PYROXD2: variants seen among roughly 807,000 people sequenced by gnomAD.
The protein encoded by PYROXD2 is pyridine nucleotide-disulfide oxidoreductase domain-containing protein 2.
A neutral mutation model predicts 71.1 loss-of-function variants in PYROXD2; 69 were observed. That is an observed-to-expected ratio of 0.97 (90% confidence interval 0.80 to 1.19). The LOEUF is 1.19. Ranked by LOEUF, PYROXD2 falls within the 50% of genes most tolerant of loss-of-function variation. PYROXD2 has a pLI of 0.00. For synonymous variants in PYROXD2, 287 were observed against 302.7 expected, an observed-to-expected ratio of 0.95 and a Z score of 0.54; for missense variants, 745 against 748.9, an observed-to-expected ratio of 0.99 and a Z score of 0.06.
In PYROXD2 at chr10:98,383,805, C is replaced by T; in HGVS notation, c.1739G>A (p.Ser580Asn). 2 of 1,613,982 alleles carry T rather than the reference C, an allele frequency of 1.2e-6. No homozygotes were observed. The highest frequency in any genetic ancestry group is 1.7e-6 in the Non-Finnish European group (2 of 1,179,926). The change falls in exon 16 of 16, where the codon AGC becomes AAC. Residue 580 changes from serine (S) to asparagine (N), a missense_variant. By Grantham distance (46) the Ser-to-Asn change is conservative. Transcript: ENST00000370575. ...AAHVAFRDLKSM is the reference protein window; with the variant it reads ...AAHVAFRDLKNM ...GTCAGAGCTGGTTCAGGGTCACATG[C>T]TCTTGAGGTCCCTAAAGGCCACATG... is the stretch of plus-strand genomic sequence containing the variant.
At chr10:98,401,286 A>C (rs919226296) in intron 4 of PYROXD2, among the ~76,000 whole-genome samples, 2 of 149,668 alleles carry the variant, frequency 1.3e-5, no homozygotes, top group Non-Finnish European at 3.0e-5. Context: ...ACAAACATAG[A>C]AAAGGTACAT....
Position 98,397,514 on chromosome 10 carries a change from G to A in PYROXD2, c.472-16C>T. On this transcript the variant is annotated splice_polypyrimidine_tract_variant and intron_variant, in intron 5 of 15. Transcript: ENST00000370575. ...TGGGAAAGACCTGGAACAGAGCTCT[G>A]CATTAAGGCCCCACTGTCCACATCC... The A allele has an allele frequency of 1.9e-6, 3 of 1,576,468 alleles. No individual in the cohort carries two copies. In the South Asian group the frequency reaches 3.5e-5, roughly 18 times the overall value.
chr10:98,408,533 G>T (rs1342060988), intron 2 of PYROXD2, among the ~76,000 whole-genome samples: 1 of 151,702 alleles, frequency 6.6e-6, no homozygotes, highest in East Asian at 1.9e-4. Context: ...CACTTCATAA[G>T]GCTGCTGTGA....
chr10:98,399,343 C>T (rs1843309112), intron 5 of PYROXD2, among the ~76,000 whole-genome samples: 1 of 152,212 alleles, frequency 6.6e-6, no homozygotes, highest in Admixed American at 6.5e-5. Flanking sequence ...ATAAAAATGT[C>T]TCCACTGAGA....
intron 5 of PYROXD2, 120 bp from the exon 6 acceptor site, chr10:98,397,618 GC>G: frequency 7.9e-7 from 1 of 1,272,172 alleles, no homozygotes; most frequent in Non-Finnish European, 1.0e-6. Context: ...CCCCGCTGTG[GC>G]CCAGCTTGGC....
chr10:98,401,478 T>C (rs541857996), intron 4 of PYROXD2, among the ~76,000 whole-genome samples: 2 of 152,226 alleles, frequency 1.3e-5, no homozygotes, highest in African/African-American at 4.8e-5. Flanking sequence ...CTACATTTAT[T>C]AAAAAATTTT....
chr10:98,390,509 C>T, intron 12 of PYROXD2, 89 bp downstream of exon 12: 2 of 1,411,846 alleles, frequency 1.4e-6, no homozygotes, highest in South Asian at 3.1e-5. Flanking sequence ...GAACACCAGG[C>T]CTGATCCCTG....
intron 14 of PYROXD2, among the ~76,000 whole-genome samples, chr10:98,386,653 C>T (rs372303203): frequency 1.0e-3 from 153 of 152,028 alleles, no homozygotes; most frequent in Non-Finnish European, 1.5e-3. Context: ...TGGGCTCAAG[C>T]GATCATCCTG....
At chr10:98,403,397 G>A (rs1188971904) in intron 4 of PYROXD2, among the ~76,000 whole-genome samples, 1 of 152,178 alleles carries the variant, frequency 6.6e-6, no homozygotes, top group African/African-American at 2.4e-5. Flanking sequence ...TGTTTCCTCC[G>A]AGTCCTCACC....
At chr10:98,412,477 G>A (rs928944748) in intron 1 of PYROXD2, among the ~76,000 whole-genome samples, 1 of 152,150 alleles carries the variant, frequency 6.6e-6, no homozygotes, top group African/African-American at 2.4e-5. Context: ...GGGTGGATGT[G>A]CTGACCTCTG....
chr10:98,401,846 C>T (rs1053363805), intron 4 of PYROXD2, among the ~76,000 whole-genome samples: 12 of 152,080 alleles, frequency 7.9e-5, no homozygotes, highest in African/African-American at 2.9e-4. Context: ...GAGAGCAATG[C>T]CTTTTGCTGG....
intron 5 of PYROXD2, among the ~76,000 whole-genome samples, chr10:98,399,881 A>G (rs1843330348): frequency 9.2e-5 from 14 of 152,184 alleles, no homozygotes; most frequent in Admixed American, 9.2e-4. Context: ...CACGCAGGTG[A>G]GCAGGCCTCC....
chr10:98,397,862 C>T (rs1843245162), intron 5 of PYROXD2, among the ~76,000 whole-genome samples: 1 of 150,356 alleles, frequency 6.7e-6, no homozygotes. Flanking sequence ...AAGTTTCTTC[C>T]TTCTGTCCTT....
At chr10:98,411,286 T>C in intron 1 of PYROXD2, 1 of 366,620 alleles carries the variant, frequency 2.7e-6, no homozygotes, top group Non-Finnish European at 5.0e-6. Flanking sequence ...AGTGATGGTG[T>C]CTGAGGGAGC....
intron 4 of PYROXD2, 63 bp from the exon 5 acceptor site, chr10:98,400,320 T>A: frequency 6.7e-7 from 1 of 1,492,504 alleles, no homozygotes; most frequent in Middle Eastern, 1.8e-4. Flanking sequence ...CCATCATCTT[T>A]CTCCGATTGT....
At chr10:98,386,323 G>A (rs12266172) in intron 14 of PYROXD2, among the ~76,000 whole-genome samples, 1 of 59,722 alleles carries the variant, frequency 1.7e-5, no homozygotes, top group Non-Finnish European at 3.3e-5. Flanking sequence ...ACAAGGAAGG[G>A]AGGGAGGAAG....
At chr10:98,389,891 C>T (rs1842890409) in intron 12 of PYROXD2, among the ~76,000 whole-genome samples, 1 of 152,186 alleles carries the variant, frequency 6.6e-6, no homozygotes, top group African/African-American at 2.4e-5. Flanking sequence ...AGAATAGAGA[C>T]CCCAGAATAT....
chr10:98,407,948 C>A lies in PYROXD2; in HGVS notation c.197G>T (p.Arg66Leu), dbSNP rs143908046. 3 of 1,611,022 alleles carry A rather than the reference C, an allele frequency of 1.9e-6. No individual in the cohort carries two copies. Among genetic ancestry groups the A allele is most frequent in the African/African-American group, 2.7e-5 (2 of 74,892 alleles). Residue 66 changes from arginine (R) to leucine (L), a missense_variant, in exon 3 of 16, where the codon CGC becomes CTC. By Grantham distance (102) the Arg-to-Leu change is moderately radical. Transcript: ENST00000370575. ...LGVNTAVFERRHVIGGAAVTE... is the reference protein window; with the variant it reads ...LGVNTAVFERLHVIGGAAVTE... ...GACAGCTGCACCCCCGATCACATGG[C>A]GCCTCTCGAAGACGGCGGTGTTCAC...
At chr10:98,390,495 G>C in intron 12 of PYROXD2, 103 bp downstream of exon 12, 1 of 1,325,734 alleles carries the variant, frequency 7.5e-7, no homozygotes, top group Non-Finnish European at 1.0e-6. Flanking sequence ...TCACTGTGAA[G>C]GTTGAACACC....
Sources: gnomAD v4.1 joint callset for allele counts (sites outside exome capture counted in the v4.1 genomes callset) on GRCh38, gnomAD v4.1.1 for gene constraint, MANE v1.5 for transcripts, NCBI Gene and HGNC (gene_info 2026-07-23, HGNC 2026-07-21) for gene names.